The following NUP54 variants were observed in gnomAD, a reference collection of about 807,000 sequenced individuals.
The protein encoded by NUP54 is nucleoporin 54, also known as nucleoporin p54.
In NUP54, 27 loss-of-function variants were observed where a neutral mutation model predicts 66.4. The observed-to-expected ratio is 0.41, with a 90% CI of 0.30 to 0.56. The LOEUF is 0.56. Among genes scored for constraint, NUP54 ranks in the 20% least tolerant of loss-of-function variants. The pLI is 0.34. For missense variants in NUP54, 486 were observed against 596.3 expected, an observed-to-expected ratio of 0.82 and a Z score of 1.93; for synonymous variants, 206 against 210.7, an observed-to-expected ratio of 0.98 and a Z score of 0.19.
chr4:76,125,661 AGG>A (rs1481856968), intron 8 of NUP54, among the ~76,000 whole-genome samples: 2 of 21,668 alleles, frequency 9.2e-5, no homozygotes, highest in African/African-American at 2.5e-4. Context: ...AGAGGGAGAG[AGG>A]GGGAGAGAGG....
intron 3 of NUP54, among the ~76,000 whole-genome samples, chr4:76,138,959 AT>A (rs200569565): frequency 0.015 from 2,350 of 152,214 alleles, 55 homozygotes; most frequent in African/African-American, 0.053. Context: ...TAAAGATCAA[AT>A]TTTTTTTAAA....
At position 76,115,412 on chromosome 4, in the gene NUP54, T is replaced by C. The variant is rs1171054993; in HGVS notation, c.1478A>G (p.His493Arg). ...GATGTGGATGGTTTCATTCAATCCA[T>C]GTTCGACCAGCTTTATATCTTCTAG... ...DDLEDIKLVE[H>R]GLNETIHIRG... The change falls in exon 12 of 12, where the codon CAT becomes CGT. Residue 493 changes from histidine to arginine, a missense_variant. Physicochemically the swap from His to Arg is conservative, Grantham distance 29. Coordinates refer to ENST00000264883, the MANE Select transcript of NUP54 (RefSeq NM_017426.4). 3 of 1,611,356 alleles carry C rather than the reference T, an allele frequency of 1.9e-6. No individual in the cohort carries two copies. The highest frequency in any genetic ancestry group is 1.7e-5 in the Admixed American group (1 of 59,494).
chr4:76,132,408 A>G, intron 6 of NUP54, 115 bp downstream of exon 6: 3 of 691,168 alleles, frequency 4.3e-6, no homozygotes, highest in Non-Finnish European at 6.9e-6. Context: ...TAGATATATG[A>G]CAAGATGATA....
At chr4:76,120,803 G>C (rs1227593701) in intron 9 of NUP54, among the ~76,000 whole-genome samples, 2 of 152,130 alleles carry the variant, frequency 1.3e-5, no homozygotes, top group African/African-American at 4.8e-5. Context: ...TAATGACTAA[G>C]AACTATTTTG....
In NUP54 at chr4:76,148,297, G is replaced by C. The variant is rs1342034775; in HGVS notation, c.67+11C>G. On this transcript the variant is annotated intron_variant, in intron 1 of 11. Coordinates refer to ENST00000264883, the MANE Select transcript of NUP54 (RefSeq NM_017426.4). Reference sequence around the variant, plus strand: ...CTTCTTCCCGGGTGAAGGTCTAGGGGGATCACTCACCCGCGGGGGCCGCGG... The same window carrying C: ...CTTCTTCCCGGGTGAAGGTCTAGGGCGATCACTCACCCGCGGGGGCCGCGG... The C allele has an allele frequency of 6.7e-7, 1 of 1,482,884 alleles. No individual in the cohort carries two copies. The highest frequency in any genetic ancestry group is 9.0e-7 in the Non-Finnish European group (1 of 1,113,038). 91.9% of individuals were successfully genotyped at this position (1,482,884 alleles called of 1,614,324 possible).
At chr4:76,132,250 T>C (rs775697031) in intron 6 of NUP54, 50 of 224,158 alleles carry the variant, frequency 2.2e-4, no homozygotes, top group Non-Finnish European at 2.8e-4. Flanking sequence ...GCCAAAATTT[T>C]ACTAGTAAAT....
intron 5 of NUP54, among the ~76,000 whole-genome samples, chr4:76,133,907 C>T (rs1338856158): frequency 3.3e-5 from 5 of 151,992 alleles, no homozygotes; most frequent in Non-Finnish European, 7.4e-5. Context: ...CTTTATGGCC[C>T]TCAATTTGCA....
rs529746592 is a variant in NUP54 at position 76,141,937 on chromosome 4, T to C, written c.295+2212A>G. Among the ~76,000 whole-genome samples the C allele has an allele frequency of 3.3e-5, 5 of 152,332 alleles. No individual in the cohort carries two copies. The South Asian group carries it at 1.0e-3, about 32-fold the overall frequency. On this transcript the variant is annotated intron_variant, in intron 3 of 11. Coordinates refer to ENST00000264883, the MANE Select transcript of NUP54 (RefSeq NM_017426.4). ...TACTGGTCCCAAAGGCATTATACTC[T>C]GCCATAAACCATGCCATGTTATTTC...
At chr4:76,143,518 C>T (rs550285340) in intron 3 of NUP54, among the ~76,000 whole-genome samples, 3 of 152,202 alleles carry the variant, frequency 2.0e-5, no homozygotes, top group East Asian at 3.9e-4. Flanking sequence ...GCAGAAGTAT[C>T]GCTTGAACCT....
chr4:76,146,722 C>T (rs1731515764), intron 1 of NUP54, among the ~76,000 whole-genome samples: 1 of 152,168 alleles, frequency 6.6e-6, no homozygotes. Context: ...TACCCATAAA[C>T]CTATTTTAAA....
chr4:76,119,050 CA>C (rs1730107738), intron 9 of NUP54, among the ~76,000 whole-genome samples: 1 of 151,874 alleles, frequency 6.6e-6, no homozygotes, highest in South Asian at 2.1e-4. Context: ...AAAAGCAGTA[CA>C]AAAAAATAGA....
At chr4:76,143,123 T>C (rs556746764) in intron 3 of NUP54, among the ~76,000 whole-genome samples, 26 of 151,174 alleles carry the variant, frequency 1.7e-4, no homozygotes, top group African/African-American at 5.6e-4. Context: ...AATAGGCCTA[T>C]AAAATAGTCT....
At chr4:76,123,363 TC>T (rs1730315686) in intron 9 of NUP54, among the ~76,000 whole-genome samples, 1 of 152,242 alleles carries the variant, frequency 6.6e-6, no homozygotes, top group Non-Finnish European at 1.5e-5. Flanking sequence ...TTTTCATGTT[TC>T]ATCTTTCATT....
At chr4:76,134,844 AATT>A (rs960625329) in intron 4 of NUP54, among the ~76,000 whole-genome samples, 109 of 152,162 alleles carry the variant, frequency 7.2e-4, no homozygotes, top group African/African-American at 2.2e-3. Context: ...TTTATTATAA[AATT>A]ATTATTATTA....
intron 11 of NUP54, 66 bp from the exon 12 acceptor site, chr4:76,115,560 A>G (rs1729916184): frequency 7.7e-7 from 1 of 1,304,796 alleles, no homozygotes; most frequent in African/African-American, 1.5e-5. Context: ...TAGTCACAGG[A>G]AAAAAGACTC....
In NUP54 at chr4:76,124,687, T is replaced by G. The variant is rs765028638; in HGVS notation, c.1126A>C (p.Lys376Gln). The G allele has an allele frequency of 1.3e-5, 21 of 1,604,736 alleles. No homozygotes were observed. Among genetic ancestry groups the G allele is most frequent in the Non-Finnish European group, 1.7e-5 (20 of 1,172,816 alleles). Reference protein sequence around the residue: ...TTSVAKIAQYKRKLMDLSHRT... With the variant: ...TTSVAKIAQYQRKLMDLSHRT... ...TGGGAAAGATCCATGAGTTTCCTCT[T>G]GTATTGTGCAATTTTGGCTACAGAT... Residue 376 changes from lysine to glutamine, a missense_variant, in exon 9 of 12, where the codon AAG becomes CAG. Transcript: ENST00000264883.
intron 11 of NUP54, 61 bp downstream of exon 11, chr4:76,117,603 C>T: frequency 3.0e-6 from 3 of 990,480 alleles, no homozygotes; most frequent in East Asian, 4.8e-5. Flanking sequence ...TAATAGCCAT[C>T]CTAATAGGTG....
At chr4:76,126,414 A>G (rs1730540894) in intron 8 of NUP54, among the ~76,000 whole-genome samples, 1 of 152,226 alleles carries the variant, frequency 6.6e-6, no homozygotes, top group African/African-American at 2.4e-5. Context: ...ACCTGCACAC[A>G]TCACCTTTTA....
intron 3 of NUP54, among the ~76,000 whole-genome samples, chr4:76,141,014 C>T (rs1402431231): frequency 6.6e-6 from 1 of 152,166 alleles, no homozygotes; most frequent in Non-Finnish European, 1.5e-5. Context: ...GAAGGATCCT[C>T]GATAATCCAT....
Sources: gnomAD v4.1 joint callset for allele counts (sites outside exome capture counted in the v4.1 genomes callset) on GRCh38, gnomAD v4.1.1 for gene constraint, MANE v1.5 for transcripts, NCBI Gene and HGNC (gene_info 2026-07-23, HGNC 2026-07-21) for gene names.